MID1: variants seen among roughly 807,000 people sequenced by gnomAD.
MID1 encodes the protein E3 ubiquitin-protein ligase Midline-1.
A neutral mutation model predicts 40.4 loss-of-function variants in MID1; 7 were observed. The ratio of observed to expected loss-of-function variants is 0.17; its 90% CI spans 0.10 to 0.33. The LOEUF is 0.33. Among genes scored for constraint, MID1 ranks in the 10% least tolerant of loss-of-function variants. The pLI is 1.00. For missense variants in MID1, 367 were observed against 558.5 expected (o/e 0.66, Z 3.46); for synonymous variants, 229 against 221.2 (o/e 1.04, Z -0.31).
rs1931208786 is a variant in MID1 at position 10,495,666 on chromosome X, T to C, written c.782A>G (p.Lys261Arg). The C allele has an allele frequency of 1.1e-5, 13 of 1,208,337 alleles. No individual in the cohort carries two copies. The highest frequency in any genetic ancestry group is 1.8e-5 in the South Asian group (1 of 56,899). Reference protein sequence around the residue: ...VEVNASRQEAKLTEECDLLIE... With the variant: ...VEVNASRQEARLTEECDLLIE... ...GAGAAGATCACACTCCTCTGTCAAT[T>C]TGGCTTCTTGACGTGATGCATTGAC... is the stretch of plus-strand genomic sequence containing the variant. Residue 261 changes from lysine to arginine, a missense_variant, in exon 4 of 10, where the codon AAA becomes AGA. Around this residue, in one of 3 missense-constraint regions of MID1, gnomAD observed 275 missense variants for 383.1 expected, o/e 0.72. Coordinates refer to ENST00000317552, the MANE Select transcript of MID1 (RefSeq NM_000381.4).
At chrX:10,683,172 T>A (rs2043070449) in intron 1 of MID1, among the ~76,000 whole-genome samples, 1 of 112,122 alleles carries the variant, frequency 8.9e-6, no homozygotes. Flanking sequence ...TCTGAAAGAA[T>A]GCTTGGATGA....
chrX:10,754,039 C>G (rs1247400884), intron 1 of MID1, among the ~76,000 whole-genome samples: 1 of 112,275 alleles, frequency 8.9e-6, no homozygotes, highest in Non-Finnish European at 1.9e-5. Flanking sequence ...TCCTGAAAAG[C>G]TGTACAAATG....
At chrX:10,534,980 A>C (rs961808380) in intron 2 of MID1, among the ~76,000 whole-genome samples, 13 of 112,513 alleles carry the variant, frequency 1.2e-4, no homozygotes, top group African/African-American at 4.2e-4. Flanking sequence ...TTTGTCCCTG[A>C]CTTCATCATC....
intron 1 of MID1, among the ~76,000 whole-genome samples, chrX:10,698,979 C>G (rs950596141): frequency 6.3e-5 from 7 of 111,751 alleles, no homozygotes. Flanking sequence ...TGTACTGCCC[C>G]TAGCAGCCCC....
At chrX:10,518,498 A>G (rs1166588678) in intron 3 of MID1, among the ~76,000 whole-genome samples, 1 of 109,703 alleles carries the variant, frequency 9.1e-6, no homozygotes, top group Non-Finnish European at 1.9e-5. Context: ...CCCCACATTT[A>G]TATGTATCCG....
At chrX:10,572,985 T>C (rs1934778996) in intron 1 of MID1, among the ~76,000 whole-genome samples, 1 of 112,199 alleles carries the variant, frequency 8.9e-6, no homozygotes, top group Non-Finnish European at 1.9e-5. Context: ...TCCACAGATG[T>C]TCCCTACAGT....
chrX:10,640,400 C>G (rs111250030), intron 1 of MID1, among the ~76,000 whole-genome samples: 6,448 of 110,074 alleles, frequency 0.059, 356 homozygotes, highest in African/African-American at 0.17. Context: ...AACCAACAAA[C>G]ATCAAAAGGG....
chrX:10,487,056 C>T (rs951896433), intron 4 of MID1, among the ~76,000 whole-genome samples: 2 of 111,506 alleles, frequency 1.8e-5, no homozygotes, highest in Admixed American at 9.5e-5. Flanking sequence ...GATGGGGAAC[C>T]ACTATGTTGC....
chrX:10,661,462 A>C (rs1457492375), intron 1 of MID1, among the ~76,000 whole-genome samples: 1 of 108,587 alleles, frequency 9.2e-6, no homozygotes, highest in Non-Finnish European at 1.9e-5. Context: ...ACAGGCACCC[A>C]CCACCACACC....
At chrX:10,681,961 T>C (rs778745203) in intron 1 of MID1, among the ~76,000 whole-genome samples, 12 of 111,716 alleles carry the variant, frequency 1.1e-4, no homozygotes, top group Admixed American at 9.5e-4. Context: ...AAACAAATAA[T>C]ATCTTTTGTT....
At chrX:10,720,014 C>G (rs1439456175) in intron 1 of MID1, among the ~76,000 whole-genome samples, 2 of 111,782 alleles carry the variant, frequency 1.8e-5, no homozygotes, top group Admixed American at 9.5e-5. Flanking sequence ...GCTGAAACTG[C>G]ATCCCTTCCT....
intron 9 of MID1, among the ~76,000 whole-genome samples, chrX:10,453,065 G>A (rs1343340506): frequency 8.9e-6 from 1 of 111,792 alleles, no homozygotes; most frequent in Non-Finnish European, 1.9e-5. Flanking sequence ...GCTAAAAATT[G>A]CAAATGCCAA....
intron 1 of MID1, among the ~76,000 whole-genome samples, chrX:10,619,958 A>AGATACATCCTGCAC (rs1216725621): frequency 9.0e-6 from 1 of 111,223 alleles, no homozygotes. Flanking sequence ...TAAAAGCTCG[A>AGATACATCCTGCAC]GATACATCCT....
At chrX:10,647,830 C>T (rs1340592493) in intron 1 of MID1, among the ~76,000 whole-genome samples, 1 of 111,888 alleles carries the variant, frequency 8.9e-6, no homozygotes, top group East Asian at 2.8e-4. Flanking sequence ...GCAGAACTAC[C>T]ACAAATTACC....
At chrX:10,801,748 A>G (rs1237144526) in intron 1 of MID1, among the ~76,000 whole-genome samples, 1 of 112,281 alleles carries the variant, frequency 8.9e-6, no homozygotes, top group Non-Finnish European at 1.9e-5. Context: ...TACAAATTAT[A>G]TAAGAAAACG....
intron 2 of MID1, among the ~76,000 whole-genome samples, chrX:10,551,776 T>C (rs1022392138): frequency 9.0e-6 from 1 of 110,633 alleles, no homozygotes; most frequent in Non-Finnish European, 1.9e-5. Flanking sequence ...CCAAAGTAGG[T>C]TTATTTTTAC....
intron 3 of MID1, among the ~76,000 whole-genome samples, chrX:10,502,630 T>C: frequency 8.9e-6 from 1 of 111,854 alleles, no homozygotes; most frequent in Non-Finnish European, 1.9e-5. Flanking sequence ...ATTCTGAACC[T>C]TGCCATCTTT....
intron 1 of MID1, among the ~76,000 whole-genome samples, chrX:10,590,795 G>C (rs963175333): frequency 5.3e-5 from 6 of 112,185 alleles, no homozygotes; most frequent in Admixed American, 3.8e-4. Context: ...TACAAGGCAT[G>C]AGTTTGGAGT....
chrX:10,533,327 GGAAAGAAAGAAA>G (rs35811442), intron 2 of MID1, among the ~76,000 whole-genome samples: 525 of 47,809 alleles, frequency 0.011, 15 homozygotes, highest in African/African-American at 0.029. Flanking sequence ...AAGAAAGAAA[GGAAAGAAAGAAA>G]GAAAGAAAGA....
Sources: gnomAD v4.1 joint callset for allele counts (sites outside exome capture counted in the v4.1 genomes callset) on GRCh38, gnomAD v4.1.1 for gene constraint, gnomAD v4.1.1 regional missense constraint, MANE v1.5 for transcripts, NCBI Gene and HGNC (gene_info 2026-07-23, HGNC 2026-07-21) for gene names.